The following NBEA variants were observed in gnomAD, a reference collection of about 807,000 sequenced individuals.
NBEA encodes neurobeachin.
A neutral mutation model predicts 343.4 loss-of-function variants in NBEA; 44 were observed. The ratio of observed to expected loss-of-function variants is 0.13; its 90% CI spans 0.10 to 0.16. NBEA has a LOEUF of 0.16. NBEA is among the 10% of genes least tolerant of loss of function. The probability of loss-of-function intolerance (pLI) is 1.00; values close to 1 mark genes in which losing one functional copy is unlikely to be tolerated. For missense variants in NBEA, 2,555 were observed against 3,631.3 expected, an observed-to-expected ratio of 0.70 and a Z score of 7.62; for synonymous variants, 1,175 against 1,238.7, an observed-to-expected ratio of 0.95 and a Z score of 1.08.
At chr13:35,502,688 T>C (rs773651567) in intron 41 of NBEA, among the ~76,000 whole-genome samples, 68 of 152,040 alleles carry the variant, frequency 4.5e-4, no homozygotes, top group Admixed American at 3.9e-4. Flanking sequence ...GACAGTAGGA[T>C]CTATACAACA....
intron 34 of NBEA, among the ~76,000 whole-genome samples, chr13:35,271,032 AC>A (rs2034103707): frequency 6.6e-6 from 1 of 152,226 alleles, no homozygotes; most frequent in African/African-American, 2.4e-5. Context: ...CCGATAACGG[AC>A]AGACTGCCTC....
chr13:35,391,208 G>A (rs533813286), intron 38 of NBEA, among the ~76,000 whole-genome samples: 26 of 151,740 alleles, frequency 1.7e-4, no homozygotes, highest in Admixed American at 9.9e-4. Context: ...CCAGGAGGCA[G>A]AGGTTGCAGT....
At chr13:34,944,720 A>G (rs2059136935) in intron 1 of NBEA, among the ~76,000 whole-genome samples, 1 of 152,210 alleles carries the variant, frequency 6.6e-6, no homozygotes, top group African/African-American at 2.4e-5. Context: ...AGGTAACTGT[A>G]TTTCTGTAAT....
At chr13:35,078,558 A>T (rs191716992) in intron 10 of NBEA, among the ~76,000 whole-genome samples, 2 of 152,144 alleles carry the variant, frequency 1.3e-5, no homozygotes, top group Admixed American at 6.5e-5. Context: ...ACCAAGCCCA[A>T]CTTCAATGAG....
chr13:35,582,896 T>G (rs2081121681), intron 45 of NBEA, among the ~76,000 whole-genome samples: 1 of 152,202 alleles, frequency 6.6e-6, no homozygotes, highest in Non-Finnish European at 1.5e-5. Flanking sequence ...ACACTAATTT[T>G]CTACTACTTC....
chr13:35,005,053 A>G (rs1271886117), intron 1 of NBEA, among the ~76,000 whole-genome samples: 3 of 152,156 alleles, frequency 2.0e-5, no homozygotes, highest in Admixed American at 6.5e-5. Context: ...CTATGTGCCA[A>G]GCATTATACT....
At chr13:35,151,652 A>G (rs1463315448) in intron 18 of NBEA, among the ~76,000 whole-genome samples, 1 of 152,086 alleles carries the variant, frequency 6.6e-6, no homozygotes, top group Admixed American at 6.6e-5. Context: ...TTATTTTGAA[A>G]ACCAAAAAAA....
intron 41 of NBEA, among the ~76,000 whole-genome samples, chr13:35,526,070 T>C (rs1314337088): frequency 1.3e-5 from 2 of 152,222 alleles, no homozygotes; most frequent in Non-Finnish European, 2.9e-5. Context: ...GTTCTAAGTC[T>C]TTCCTTCCTC....
chr13:34,973,816 G>C (rs1210817000), intron 1 of NBEA, among the ~76,000 whole-genome samples: 1 of 152,144 alleles, frequency 6.6e-6, no homozygotes, highest in African/African-American at 2.4e-5. Flanking sequence ...TGCTTCCCTG[G>C]ATTCAGCCCC....
intron 38 of NBEA, among the ~76,000 whole-genome samples, chr13:35,409,652 T>G (rs2043471665): frequency 6.6e-6 from 1 of 152,146 alleles, no homozygotes; most frequent in African/African-American, 2.4e-5. Flanking sequence ...TTCTACCTGT[T>G]TCTCTTTCTG....
intron 38 of NBEA, among the ~76,000 whole-genome samples, chr13:35,368,143 A>G (rs2041229701): frequency 6.6e-6 from 1 of 151,600 alleles, no homozygotes; most frequent in Non-Finnish European, 1.5e-5. Context: ...AGTTTAAAGT[A>G]AAATATATAA....
chr13:35,542,349 A>C (rs1030574880), intron 41 of NBEA, among the ~76,000 whole-genome samples: 6 of 152,218 alleles, frequency 3.9e-5, no homozygotes, highest in Non-Finnish European at 8.8e-5. Context: ...AGCCATTTCC[A>C]ATTTTTCCCG....
chr13:35,014,117 C>T (rs1161498605), intron 1 of NBEA, among the ~76,000 whole-genome samples: 1 of 151,258 alleles, frequency 6.6e-6, no homozygotes, highest in Non-Finnish European at 1.5e-5. Context: ...TGGGAAGTTA[C>T]ATTCCTTTCC....
At chr13:35,468,112 C>T (rs1428701553) in intron 40 of NBEA, among the ~76,000 whole-genome samples, 1 of 100,650 alleles carries the variant, frequency 9.9e-6, no homozygotes, top group Non-Finnish European at 2.0e-5. Context: ...ATTTACACCC[C>T]CCCCCCACTC....
At chr13:35,364,889 G>A (rs1011441412) in intron 38 of NBEA, among the ~76,000 whole-genome samples, 2 of 151,710 alleles carry the variant, frequency 1.3e-5, no homozygotes, top group Non-Finnish European at 3.0e-5. Context: ...TATAATGCAG[G>A]TGCAAAGGGA....
intron 41 of NBEA, among the ~76,000 whole-genome samples, chr13:35,543,645 C>T (rs987249211): frequency 3.3e-5 from 5 of 152,102 alleles, no homozygotes; most frequent in African/African-American, 9.7e-5. Flanking sequence ...AGTCAATACA[C>T]CATAGAGAAA....
chr13:35,067,686 T>C (rs2063706096), intron 8 of NBEA, among the ~76,000 whole-genome samples: 1 of 152,090 alleles, frequency 6.6e-6, no homozygotes, highest in Admixed American at 6.6e-5. Flanking sequence ...AATAATACGG[T>C]AAACATTGAT....
At chr13:34,947,425 G>A (rs2059218006) in intron 1 of NBEA, among the ~76,000 whole-genome samples, 2 of 151,718 alleles carry the variant, frequency 1.3e-5, no homozygotes, top group Admixed American at 1.3e-4. Context: ...TAATTTATTG[G>A]GTCTAACAGA....
intron 1 of NBEA, among the ~76,000 whole-genome samples, chr13:34,973,545 G>C (rs1426806945): frequency 6.6e-6 from 1 of 152,052 alleles, no homozygotes; most frequent in Non-Finnish European, 1.5e-5. Flanking sequence ...GATGAAAAAC[G>C]GATCAGTCTG....
Sources: allele counts gnomAD v4.1 joint callset (sites outside exome capture counted in the v4.1 genomes callset), GRCh38; gene constraint gnomAD v4.1.1; transcripts MANE v1.5; gene names NCBI Gene and HGNC (gene_info 2026-07-23, HGNC 2026-07-21).